Variants in SCRN1 observed in about 807,000 individuals in gnomAD.
The protein encoded by SCRN1 is secernin-1.
Under a neutral mutation model 43.3 loss-of-function variants are expected in SCRN1, and 19 were observed. The observed-to-expected ratio is 0.44, with a 90% confidence interval of 0.31 to 0.64. SCRN1 has a LOEUF of 0.64. SCRN1 is among the 30% of genes least tolerant of loss of function. The pLI is 0.09. For missense variants in SCRN1, 447 were observed against 524.1 expected (o/e 0.85, Z 1.44); for synonymous variants, 183 against 188.9 (o/e 0.97, Z 0.26).
At chr7:29,982,682 C>CAAAAAAAA (rs10538004) in intron 1 of SCRN1, among the ~76,000 whole-genome samples, 1 of 64,746 alleles carries the variant, frequency 1.5e-5, no homozygotes, top group African/African-American at 5.7e-5. Flanking sequence ...GACCCTGTCT[C>CAAAAAAAA]AAAAAAAAAA....
intron 5 of SCRN1, among the ~76,000 whole-genome samples, chr7:29,937,855 C>A (rs1446581301): frequency 1.3e-5 from 2 of 152,194 alleles, no homozygotes; most frequent in Non-Finnish European, 2.9e-5. Flanking sequence ...TTGGCACATT[C>A]ACATCCTCTT....
At chr7:29,955,491 C>T (rs1788107866) in intron 2 of SCRN1, 131 bp from the exon 3 acceptor site, 1 of 819,784 alleles carries the variant, frequency 1.2e-6, no homozygotes, top group South Asian at 1.9e-5. Flanking sequence ...TGGGAATACC[C>T]TGATTTTTAA....
At chr7:29,946,529 G>T (rs1043193022) in intron 3 of SCRN1, among the ~76,000 whole-genome samples, 2 of 152,244 alleles carry the variant, frequency 1.3e-5, no homozygotes, top group Non-Finnish European at 2.9e-5. Flanking sequence ...CCTGTCTTCG[G>T]AGCTTGTGAC....
chr7:29,989,910 G>C, upstream of SCRN1: 2 of 1,015,234 alleles, frequency 2.0e-6, no homozygotes, highest in Non-Finnish European at 1.2e-6. Context: ...CGCACCCCGC[G>C]CGTCTGGCTG....
intron 5 of SCRN1, 22 bp downstream of exon 5, chr7:29,940,660 C>T (rs773178357): frequency 3.2e-6 from 5 of 1,569,998 alleles, no homozygotes; most frequent in South Asian, 1.2e-5. Flanking sequence ...GAAGGAGAAT[C>T]GTGAGGGAGA....
intron 1 of SCRN1, among the ~76,000 whole-genome samples, chr7:29,978,483 G>C (rs1788898176): frequency 6.6e-6 from 1 of 152,074 alleles, no homozygotes; most frequent in African/African-American, 2.4e-5. Flanking sequence ...TGCACTCACT[G>C]ATACCGCCTG....
intron 2 of SCRN1, among the ~76,000 whole-genome samples, chr7:29,961,733 G>A (rs1197649488): frequency 6.6e-6 from 1 of 151,936 alleles, no homozygotes; most frequent in Non-Finnish European, 1.5e-5. Context: ...GCCGGGCAGA[G>A]GCGCCCCTCA....
intron 5 of SCRN1, among the ~76,000 whole-genome samples, chr7:29,937,170 T>C (rs1583657314): frequency 6.6e-6 from 1 of 152,280 alleles, no homozygotes; most frequent in Non-Finnish European, 1.5e-5. Flanking sequence ...CATCTGGGAC[T>C]GTAACTACCA....
intron 5 of SCRN1, among the ~76,000 whole-genome samples, chr7:29,940,347 C>T (rs542070863): frequency 3.9e-5 from 6 of 151,996 alleles, no homozygotes; most frequent in African/African-American, 7.3e-5. Flanking sequence ...AGCAGGCTAG[C>T]GGGGCAGGGA....
chr7:29,984,781 C>T (rs1026623798), intron 1 of SCRN1, among the ~76,000 whole-genome samples: 2 of 135,884 alleles, frequency 1.5e-5, no homozygotes, highest in South Asian at 2.3e-4. Flanking sequence ...ATTAGCTGGG[C>T]GTGGTGGCAG....
Position 29,940,671 on chromosome 7 carries a change from G to A in SCRN1, c.739+11C>T. On this transcript the variant is annotated intron_variant, in intron 5 of 7. Coordinates refer to ENST00000242059, the MANE Select transcript of SCRN1 (RefSeq NM_014766.5). The stretch of plus-strand genomic sequence containing the variant: ...ATGAGAAGGAGAATCGTGAGGGAGA[G>A]ACTAACTCACCTTCTTGTTTTTCTA... 1.3e-6 allele frequency: 2 copies of A among 1,589,282 alleles called. No individual in the cohort carries two copies. Among genetic ancestry groups the A allele is most frequent in the East Asian group, 2.3e-5 (1 of 43,244 alleles).
At chr7:29,975,490 GA>G (rs1366397411) in intron 1 of SCRN1, among the ~76,000 whole-genome samples, 1 of 152,176 alleles carries the variant, frequency 6.6e-6, no homozygotes, top group African/African-American at 2.4e-5. Context: ...TGTGGTTTAT[GA>G]AATCAATTTA....
At chr7:29,980,146 T>C (rs543349363) in intron 1 of SCRN1, among the ~76,000 whole-genome samples, 3 of 152,284 alleles carry the variant, frequency 2.0e-5, no homozygotes, top group African/African-American at 7.2e-5. Context: ...AGATAATATA[T>C]GTAGAGTGTC....
Position 29,920,301 on chromosome 7 carries a change from C to T in SCRN1, c.*3656G>A, listed in dbSNP as rs1209026391. On this transcript the variant is annotated 3_prime_UTR_variant, in exon 8 of 8. Coordinates refer to ENST00000242059, the MANE Select transcript of SCRN1 (RefSeq NM_014766.5). ...TATTATTCCCTGCCAATAGCATTTT[C>T]CATCTAACACATTTAAATTCTCACA... 1 of 152,252 alleles carries T rather than the reference C, an allele frequency of 6.6e-6. No homozygotes were observed. The highest frequency in any genetic ancestry group is 1.5e-5 in the Non-Finnish European group (1 of 68,022). The allele number at this position is 152,252 out of a possible 1,614,324, so 9.4% of individuals were successfully genotyped here. A position where few individuals can be genotyped will look rare whatever the true frequency, so the allele number is the denominator to read the frequency against.
intron 1 of SCRN1, among the ~76,000 whole-genome samples, chr7:29,988,411 G>A (rs1789232803): frequency 6.6e-6 from 1 of 152,068 alleles, no homozygotes; most frequent in African/African-American, 2.4e-5. Flanking sequence ...CAACTCCCAG[G>A]ACCCTGCAGC....
intron 1 of SCRN1, among the ~76,000 whole-genome samples, chr7:29,975,451 GT>G (rs1562822196): frequency 6.6e-6 from 1 of 152,184 alleles, no homozygotes; most frequent in African/African-American, 2.4e-5. Flanking sequence ...CCAAAACAGT[GT>G]TTTCCTAACT....
chr7:29,945,888 G>C (rs1479766352), intron 3 of SCRN1, among the ~76,000 whole-genome samples: 1 of 152,118 alleles, frequency 6.6e-6, no homozygotes, highest in African/African-American at 2.4e-5. Context: ...TAGAACCTGG[G>C]CAATGGTGCT....
chr7:29,945,161 T>A lies in SCRN1; in HGVS notation c.342-982A>T, dbSNP rs1334068633. 2.6e-5 allele frequency among the ~76,000 whole-genome samples: 4 copies of A among 152,180 alleles called. No individual in the cohort carries two copies. In the East Asian group the frequency reaches 7.7e-4, roughly 29 times the overall value. On this transcript the variant is annotated intron_variant, in intron 3 of 7. Coordinates refer to ENST00000242059, the MANE Select transcript of SCRN1 (RefSeq NM_014766.5). ...GCTTCAGTCATCAAAAGAATATGTA[T>A]TCCCTTTGAAGTGAGACATCCATCT...
rs988749175 is a variant in SCRN1 at position 29,947,118 on chromosome 7, T to A, written c.342-2939A>T. 5 of 1,478,110 alleles carry A rather than the reference T, an allele frequency of 3.4e-6. No homozygotes were observed. In the African/African-American group the frequency reaches 5.6e-5, roughly 17 times the overall value. The allele number at this position is 1,478,110 out of a possible 1,614,324, so 91.6% of individuals were successfully genotyped here. A position where few individuals can be genotyped will look rare whatever the true frequency, so the allele number is the denominator to read the frequency against. On this transcript the variant is annotated intron_variant, in intron 3 of 7. Coordinates refer to ENST00000242059, the MANE Select transcript of SCRN1 (RefSeq NM_014766.5). ...GGGGAAGAAACTCAATGGGCCAAGG[T>A]TAGAGTTCCACTGTAACATCTATCT...
Sources: allele counts gnomAD v4.1 joint callset (sites outside exome capture counted in the v4.1 genomes callset), GRCh38; gene constraint gnomAD v4.1.1; transcripts MANE v1.5; gene names NCBI Gene and HGNC (gene_info 2026-07-23, HGNC 2026-07-21).